Variants in TNRC18 observed in about 807,000 individuals in gnomAD.
TNRC18 encodes the protein trinucleotide repeat containing 18, also known as trinucleotide repeat-containing gene 18 protein.
In TNRC18, 69 loss-of-function variants were observed where a neutral mutation model predicts 226.7. The observed-to-expected ratio is 0.30, with a 90% CI of 0.25 to 0.37. The LOEUF is 0.37. Among genes scored for constraint, TNRC18 ranks in the 10% least tolerant of loss-of-function variants. The probability of loss-of-function intolerance (pLI) is 1.00; values close to 1 mark genes in which losing one functional copy is unlikely to be tolerated. For synonymous variants in TNRC18, 2,449 were observed against 1,927.6 expected, an observed-to-expected ratio of 1.27 and a Z score of -7.09; for missense variants, 4,754 against 4,256.6, an observed-to-expected ratio of 1.12 and a Z score of -3.25.
chr7:5,344,786 A>C (rs1356629100), intron 18 of TNRC18, among the ~76,000 whole-genome samples: 1 of 152,200 alleles, frequency 6.6e-6, no homozygotes, highest in Non-Finnish European at 1.5e-5. Context: ...CCCCAGCTGC[A>C]GGTGAGCTGC....
At chr7:5,334,335 C>CAAA (rs1789866214) in intron 18 of TNRC18, among the ~76,000 whole-genome samples, 1 of 151,708 alleles carries the variant, frequency 6.6e-6, no homozygotes, top group Non-Finnish European at 1.5e-5. Context: ...CTCGCTTTGT[C>CAAA]GCCCAGGCTG....
At chr7:5,413,544 G>C (rs1459125591) in intron 2 of TNRC18, among the ~76,000 whole-genome samples, 1 of 152,096 alleles carries the variant, frequency 6.6e-6, no homozygotes, top group Non-Finnish European at 1.5e-5. Flanking sequence ...TTTATGTTTT[G>C]ACACAGGGTC....
Position 5,376,094 on chromosome 7 carries a change from G to C in TNRC18, c.2739C>G (p.Phe913Leu). ...GGGCCGCCTGCTGCTGCAGGTACAG[G>C]AACTCCTGCTGCCGCAGGAAGTGCT... ...SQQHFLRQQE[F>L]LYLQQQAAQA... Residue 913 changes from phenylalanine to leucine, a missense_variant, in exon 9 of 30, where the codon TTC becomes TTG. Transcript: ENST00000430969. 6.3e-7 allele frequency: 1 copy of C among 1,594,272 alleles called. No homozygotes were observed. The highest frequency in any genetic ancestry group is 8.5e-7 in the Non-Finnish European group (1 of 1,171,696).
In TNRC18 at chr7:5,423,732, T is replaced by C. The variant is rs1418317257; in HGVS notation, c.-535A>G. Reference sequence around the variant, plus strand: ...CCGAGCTCCCCGCTTTTTAATAAAATCCAGGTAGCGCCGGTTTAAAGAATC... The same window carrying C: ...CCGAGCTCCCCGCTTTTTAATAAAACCCAGGTAGCGCCGGTTTAAAGAATC... On this transcript the variant is annotated 5_prime_UTR_variant, in exon 1 of 30. Transcript: ENST00000430969. Among the ~76,000 whole-genome samples the C allele has an allele frequency of 2.0e-5, 3 of 150,626 alleles. No homozygotes were observed. The highest frequency in any genetic ancestry group is 4.4e-5 in the Non-Finnish European group (3 of 67,824).
At chr7:5,402,445 G>A (rs964901051) in intron 2 of TNRC18, among the ~76,000 whole-genome samples, 1 of 151,990 alleles carries the variant, frequency 6.6e-6, no homozygotes, top group Non-Finnish European at 1.5e-5. Flanking sequence ...TGAGGTGGGA[G>A]AATGACTTGA....
intron 2 of TNRC18, among the ~76,000 whole-genome samples, chr7:5,411,251 G>C (rs895075497): frequency 6.6e-6 from 1 of 151,586 alleles, no homozygotes; most frequent in South Asian, 2.1e-4. Context: ...GAAAAGGAAG[G>C]GGGAGGTGGG....
chr7:5,377,857 C>T lies in TNRC18; in HGVS notation c.2255+65G>A. On this transcript the variant is annotated intron_variant, in intron 6 of 29. Transcript: ENST00000430969. The surrounding 1 kb of genome is among the most constrained non-coding windows in gnomAD (Gnocchi z 5.8). ...GCCAAGCCCACCTGGGGTCATCCAG[C>T]TGCCCCTCACCCCCAGGGGCTCCTA... The T allele has an allele frequency of 1.3e-6, 2 of 1,493,668 alleles. No homozygotes were observed. The highest frequency in any genetic ancestry group is 4.5e-5 in the East Asian group (2 of 43,982). The allele number at this position is 1,493,668 out of a possible 1,614,324, so 92.5% of individuals were successfully genotyped here.
In TNRC18 at chr7:5,371,069, C is replaced by T; in HGVS notation, c.3525G>A (p.Leu1175=). 1.2e-6 allele frequency: 2 copies of T among 1,611,456 alleles called. No individual in the cohort carries two copies. Among genetic ancestry groups the T allele is most frequent in the Non-Finnish European group, 8.5e-7 (1 of 1,179,666 alleles). The change falls in exon 11 of 30, where the codon CTG becomes CTA. Residue 1175 remains leucine (L), a synonymous_variant. Transcript: ENST00000430969. ...CGGCGGGCAGTGGCAGCGGCGACTCCAGAGGCGGCAGCTCTGTGGGGCCCT... is the reference window on the plus strand; with the variant it reads ...CGGCGGGCAGTGGCAGCGGCGACTCTAGAGGCGGCAGCTCTGTGGGGCCCT... ...MDEGPTELPP[L]ESPLPLPAAE...
chr7:5,332,183 T>C (rs1295189912), intron 19 of TNRC18, among the ~76,000 whole-genome samples: 3 of 152,154 alleles, frequency 2.0e-5, no homozygotes, highest in Non-Finnish European at 4.4e-5. Context: ...ATGCCTGTAA[T>C]CTCAGCATTT....
chr7:5,324,313 T>C lies in TNRC18; in HGVS notation c.6343A>G (p.Met2115Val), dbSNP rs752462782. The C allele has an allele frequency of 3.7e-6, 6 of 1,613,548 alleles. No homozygotes were observed. The highest frequency in any genetic ancestry group is 5.1e-6 in the Non-Finnish European group (6 of 1,179,730). ...GGTTCAAAGTCCTCCTCGGCTGCCA[T>C]GCTCTCCATCAGCTTGCTCACGGCA... is the stretch of plus-strand genomic sequence containing the variant. ...GGAVSKLMES[M>V]AAEEDFEPNQ... The change falls in exon 21 of 30, where the codon ATG becomes GTG. Residue 2115 changes from methionine (M) to valine (V), a missense_variant. Met to Val is a conservative substitution (Grantham distance 21). Transcript: ENST00000430969. This position sits in a 1 kb window ranked among gnomAD's most constrained non-coding sequence, Gnocchi z 4.8.
intron 2 of TNRC18, among the ~76,000 whole-genome samples, chr7:5,402,242 A>T (rs554513822): frequency 1.3e-5 from 2 of 149,844 alleles, no homozygotes; most frequent in Admixed American, 6.7e-5. Context: ...TCCCAAAAAA[A>T]TTTTTTTTAG....
At chr7:5,362,142 G>C in intron 12 of TNRC18, 109 bp from the exon 13 acceptor site, 1 of 1,368,944 alleles carries the variant, frequency 7.3e-7, no homozygotes, top group East Asian at 2.4e-5. Flanking sequence ...ACTGGGAGCT[G>C]GGGCTCGAGT....
Position 5,352,762 on chromosome 7 carries a change from G to A in TNRC18, c.5195-668C>T, listed in dbSNP as rs149992184. 1.5e-3 allele frequency among the ~76,000 whole-genome samples: 232 copies of A among 152,374 alleles called. 1 individual carries two copies. Among genetic ancestry groups the A allele is most frequent in the African/African-American group, 5.3e-3 (219 of 41,594 alleles). ...TTCAAATCTTCCGGGGAGACAACCA[G>A]CCAGCTTTGGGAGGGGAGCCTGCCA... On this transcript the variant is annotated intron_variant, in intron 16 of 29. Transcript: ENST00000430969.
chr7:5,362,432 G>A lies in TNRC18; in HGVS notation c.4395+218C>T, dbSNP rs766266789. Among the ~76,000 whole-genome samples the A allele has an allele frequency of 3.3e-5, 5 of 152,132 alleles. 1 individual carries two copies. The highest frequency in any genetic ancestry group is 7.4e-5 in the Non-Finnish European group (5 of 68,018). On this transcript the variant is annotated intron_variant, in intron 12 of 29. Transcript: ENST00000430969. Reference sequence around the variant, plus strand: ...CAGTGGATCACACCGCGACCTGTGTGATGAGCCTGACATGCTAGCAGACAG... The same window carrying A: ...CAGTGGATCACACCGCGACCTGTGTAATGAGCCTGACATGCTAGCAGACAG...
At position 5,371,327 on chromosome 7, in the gene TNRC18, C is replaced by T. The variant is rs757774419; in HGVS notation, c.3267G>A (p.Pro1089=). Residue 1089 remains proline (P), a synonymous_variant, in exon 11 of 30, where the codon CCG becomes CCA. Coordinates refer to ENST00000430969, the MANE Select transcript of TNRC18 (RefSeq NM_001080495.3). ...PPRYPFQALP[P]HYGRPYPFLL... is the part of the protein sequence containing the mutation. ...GGAAAGGGTAGGGCCTCCCGTAGTG[C>T]GGTGGCAGGGCTTGGAACGGGTACC... 7.2e-6 allele frequency: 11 copies of T among 1,531,104 alleles called. No homozygotes were observed. The highest frequency in any genetic ancestry group is 1.2e-5 in the South Asian group (1 of 80,902). 94.8% of individuals were successfully genotyped at this position (1,531,104 alleles called of 1,614,324 possible). A position where few individuals can be genotyped will look rare whatever the true frequency, so the allele number is the denominator to read the frequency against.
At chr7:5,421,975 C>T (rs561359137) in intron 1 of TNRC18, among the ~76,000 whole-genome samples, 60 of 152,326 alleles carry the variant, frequency 3.9e-4, no homozygotes, top group Non-Finnish European at 7.9e-4. Flanking sequence ...CCTCGCCTCC[C>T]TTTTCCGAGT....
At chr7:5,360,080 G>C (rs1562545661) in intron 14 of TNRC18, among the ~76,000 whole-genome samples, 1 of 152,106 alleles carries the variant, frequency 6.6e-6, no homozygotes, top group Admixed American at 6.5e-5. Flanking sequence ...CCACTTGCTT[G>C]CTTTAAGCTG....
intron 24 of TNRC18, among the ~76,000 whole-genome samples, chr7:5,316,821 G>A (rs534728012): frequency 2.0e-5 from 3 of 152,278 alleles, no homozygotes; most frequent in South Asian, 2.1e-4. Context: ...TGATACCCAC[G>A]AGGAGGAGGT....
rs752886595 is a variant in TNRC18 at position 5,377,548 on chromosome 7, G to A, written c.2284C>T (p.Arg762Cys). 6.9e-6 allele frequency: 11 copies of A among 1,587,958 alleles called. No homozygotes were observed. Among genetic ancestry groups the A allele is most frequent in the Middle Eastern group, 1.7e-4 (1 of 6,048 alleles). Reference protein sequence around the residue: ...RESKELADLARLHPTSCAPNG... With the variant: ...RESKELADLACLHPTSCAPNG... ...GGAGCACAGCTGGTAGGGTGCAGGC[G>A]GGCCAGGTCAGCCAGCTCCTTACTC... The change falls in exon 7 of 30, where the codon CGC becomes TGC. Residue 762 changes from arginine (R) to cysteine (C), a missense_variant. Physicochemically the swap from Arg to Cys is radical, Grantham distance 180. Transcript: ENST00000430969. The surrounding 1 kb of genome is among the most constrained non-coding windows in gnomAD (Gnocchi z 5.8).
Sources: gnomAD v4.1 joint callset for allele counts (sites outside exome capture counted in the v4.1 genomes callset) on GRCh38, gnomAD v4.1.1 for gene constraint, Gnocchi (gnomAD v3.1) non-coding constraint, MANE v1.5 for transcripts, NCBI Gene and HGNC (gene_info 2026-07-23, HGNC 2026-07-21) for gene names.